The following PCSK5 variants were observed in gnomAD, a reference collection of about 807,000 sequenced individuals.
PCSK5 encodes proprotein convertase subtilisin/kexin type 5.
Under a neutral mutation model 233.2 loss-of-function variants are expected in PCSK5, and 129 were observed. The ratio of observed to expected loss-of-function variants is 0.55; its 90% confidence interval spans 0.48 to 0.64. The LOEUF (loss-of-function observed/expected upper bound fraction) is 0.64. Among genes scored for constraint, PCSK5 ranks in the 30% least tolerant of loss-of-function variants. PCSK5 has a pLI of 0.00. For synonymous variants in PCSK5, 825 were observed against 879.2 expected (o/e 0.94, Z 1.09); for missense variants, 2,076 against 2,430.1 (o/e 0.85, Z 3.06).
At chr9:75,945,797 TG>T (rs1002463148) in intron 2 of PCSK5, among the ~76,000 whole-genome samples, 1 of 152,212 alleles carries the variant, frequency 6.6e-6, no homozygotes. Flanking sequence ...TTCCCCTGCC[TG>T]GAATATGCTT....
chr9:75,895,845 C>T (rs777734219), intron 1 of PCSK5, among the ~76,000 whole-genome samples: 1 of 152,128 alleles, frequency 6.6e-6, no homozygotes, highest in Non-Finnish European at 1.5e-5. Context: ...TCCTGAACAC[C>T]TCCCACCCTG....
At chr9:76,271,670 TA>T (rs1191905882) in intron 24 of PCSK5, among the ~76,000 whole-genome samples, 107 of 142,658 alleles carry the variant, frequency 7.5e-4, no homozygotes, top group Non-Finnish European at 8.3e-4. Context: ...ACCCCATTTC[TA>T]AAAAAAAAAA....
Position 76,358,903 on chromosome 9 carries a change from G to A in PCSK5, c.5645G>A (p.Ser1882Asn). The stretch of plus-strand genomic sequence containing the variant: ...GATGAGCTGGAATATGATGACGAGA[G>A]TTACTCCTACTACCAGTAAACAGGC... ...DIDELEYDDE[S>N]YSYYQ Residue 1882 changes from serine (S) to asparagine (N), a missense_variant, in exon 38 of 38, where the codon AGT (serine) becomes AAT (asparagine). Physicochemically the swap from Ser to Asn is conservative, Grantham distance 46. Around this residue, in one of 6 missense-constraint regions of PCSK5, gnomAD observed 1,510 missense variants for 1,538.1 expected, o/e 0.98. Transcript: ENST00000674117. The A allele has an allele frequency of 6.2e-7, 1 of 1,612,620 alleles. No individual in the cohort carries two copies. The highest frequency in any genetic ancestry group is 8.5e-7 in the Non-Finnish European group (1 of 1,179,766).
At chr9:76,027,816 G>C (rs1025326101) in intron 5 of PCSK5, among the ~76,000 whole-genome samples, 5 of 151,982 alleles carry the variant, frequency 3.3e-5, no homozygotes, top group African/African-American at 1.2e-4. Flanking sequence ...AAGCTCCTCA[G>C]GATAATGCTG....
At chr9:76,247,886 G>A (rs1826667211) in intron 24 of PCSK5, among the ~76,000 whole-genome samples, 1 of 151,892 alleles carries the variant, frequency 6.6e-6, no homozygotes, top group Non-Finnish European at 1.5e-5. Flanking sequence ...CCAGGTTCAA[G>A]CAATTCTCCT....
Position 76,310,750 on chromosome 9 carries a change from C to A in PCSK5, c.3783C>A (p.Ala1261=). The A allele has an allele frequency of 1.9e-6, 3 of 1,612,418 alleles. No individual in the cohort carries two copies. The highest frequency in any genetic ancestry group is 2.5e-6 in the Non-Finnish European group (3 of 1,179,630). ...GGAGCTGCGAGAACTGTACGGAGGC[C>A]TGTGCCATCTGCTCTGGAGCCGATC... The part of the protein sequence containing the change: ...RSGSCENCTE[A]CAICSGADLC... Residue 1261 remains alanine (A), a synonymous_variant, in exon 30 of 38, where the codon GCC becomes GCA. Coordinates refer to ENST00000674117, the MANE Select transcript of PCSK5 (RefSeq NM_001372043.1).
chr9:76,200,069 C>T (rs530443817), intron 20 of PCSK5, among the ~76,000 whole-genome samples: 17 of 152,238 alleles, frequency 1.1e-4, no homozygotes, highest in South Asian at 2.1e-4. Flanking sequence ...CAACAGCCTC[C>T]GAACCAGCTC....
intron 9 of PCSK5, among the ~76,000 whole-genome samples, chr9:76,123,428 T>C (rs1296208055): frequency 1.3e-5 from 2 of 152,218 alleles, no homozygotes. Flanking sequence ...ATGTGTTTTG[T>C]AATAGAAGAG....
intron 2 of PCSK5, among the ~76,000 whole-genome samples, chr9:75,979,349 A>G (rs1826171358): frequency 6.6e-6 from 1 of 152,140 alleles, no homozygotes; most frequent in Admixed American, 6.5e-5. Flanking sequence ...CTAGGGCCTC[A>G]TGCTTTAGAG....
chr9:75,947,327 TGG>T (rs1824622106), intron 2 of PCSK5, among the ~76,000 whole-genome samples: 1 of 151,976 alleles, frequency 6.6e-6, no homozygotes, highest in African/African-American at 2.4e-5. Context: ...TGGCCAGTGG[TGG>T]TAGAGTCAGG....
At chr9:76,050,738 T>G (rs1030757298) in intron 5 of PCSK5, among the ~76,000 whole-genome samples, 4 of 152,210 alleles carry the variant, frequency 2.6e-5, no homozygotes, top group African/African-American at 9.7e-5. Flanking sequence ...GGTCTTAGGT[T>G]CCATTAATCA....
rs113617290 is a variant in PCSK5 at position 76,218,003 on chromosome 9, C to A, written c.2627-9500C>A. Among the ~76,000 whole-genome samples, 1,246 of 152,226 alleles carry A rather than the reference C, an allele frequency of 8.2e-3. 16 individuals are homozygous for A. Among genetic ancestry groups the A allele is most frequent in the African/African-American group, 0.028 (1,143 of 41,518 alleles). ...AAGGACTGTACAATGTGTCCTGATACCTGCCAAGTAGGGGAGCCCCCACCC... is the reference window on the plus strand; with the variant it reads ...AAGGACTGTACAATGTGTCCTGATAACTGCCAAGTAGGGGAGCCCCCACCC... On this transcript the variant is annotated intron_variant, in intron 20 of 37. Coordinates refer to ENST00000674117, the MANE Select transcript of PCSK5 (RefSeq NM_001372043.1).
chr9:76,036,723 G>A (rs564664099), intron 5 of PCSK5, among the ~76,000 whole-genome samples: 3 of 152,336 alleles, frequency 2.0e-5, no homozygotes, highest in Non-Finnish European at 2.9e-5. Context: ...GGTAAATAAT[G>A]TGCCTAACGT....
chr9:75,891,439 C>A, intron 1 of PCSK5, 66 bp downstream of exon 1: 1 of 1,244,532 alleles, frequency 8.0e-7, no homozygotes, highest in Non-Finnish European at 1.1e-6. Context: ...GTCCCCTCTG[C>A]GTGGAACCCC....
At chr9:76,080,397 T>G (rs1450429545) in intron 7 of PCSK5, among the ~76,000 whole-genome samples, 1 of 152,214 alleles carries the variant, frequency 6.6e-6, no homozygotes, top group Non-Finnish European at 1.5e-5. Context: ...TCTACTGATC[T>G]CATTGTCTCT....
intron 24 of PCSK5, among the ~76,000 whole-genome samples, chr9:76,259,487 ACT>A (rs1491056623): frequency 2.0e-5 from 3 of 150,010 alleles, no homozygotes; most frequent in African/African-American, 7.4e-5. Context: ...ACACACACAC[ACT>A]CACTTCAGTC....
chr9:76,350,205 G>A (rs567658076), intron 35 of PCSK5, among the ~76,000 whole-genome samples: 5 of 152,024 alleles, frequency 3.3e-5, no homozygotes, highest in African/African-American at 7.2e-5. Context: ...CCCTGGATAG[G>A]TGACATTACA....
Position 76,292,232 on chromosome 9 carries a change from G to C in PCSK5, c.3143-1G>C. On this transcript the variant is annotated splice_acceptor_variant, in intron 24 of 37. Transcript: ENST00000674117. LOFTEE classifies it high-confidence loss of function. ...TACTTTTTATTATTTTTTTTTTCCA[G>C]ATGATCCAGGAACATGTACATCTTG... is the stretch of plus-strand genomic sequence containing the variant. The C allele has an allele frequency of 3.2e-6, 5 of 1,539,402 alleles. No individual in the cohort carries two copies. The highest frequency in any genetic ancestry group is 4.5e-6 in the Non-Finnish European group (5 of 1,118,176).
At chr9:76,231,931 G>A (rs1325346149) in intron 21 of PCSK5, among the ~76,000 whole-genome samples, 1 of 152,162 alleles carries the variant, frequency 6.6e-6, no homozygotes, top group Non-Finnish European at 1.5e-5. Context: ...GAATCCAAGA[G>A]AGAGGTGGAC....
Sources: allele counts gnomAD v4.1 joint callset (sites outside exome capture counted in the v4.1 genomes callset), GRCh38; gene constraint gnomAD v4.1.1; regional missense constraint gnomAD v4.1.1; transcripts MANE v1.5; gene names NCBI Gene and HGNC (gene_info 2026-07-23, HGNC 2026-07-21).